Variants in ITGA8 observed in about 807,000 individuals in gnomAD.
The protein encoded by ITGA8 is integrin alpha-8.
A neutral mutation model predicts 142.3 loss-of-function variants in ITGA8; 91 were observed. The ratio of observed to expected loss-of-function variants is 0.64; its 90% CI spans 0.54 to 0.76. ITGA8 has a LOEUF of 0.76. Ranked by LOEUF, ITGA8 falls within the 30% of genes least tolerant of loss-of-function variation. ITGA8 has a pLI of 0.00. For synonymous variants in ITGA8, 505 were observed against 485.2 expected (o/e 1.04, Z -0.54); for missense variants, 1,406 against 1,327.7 (o/e 1.06, Z -0.92).
intron 6 of ITGA8, among the ~76,000 whole-genome samples, chr10:15,675,577 C>T (rs1045142046): frequency 6.6e-6 from 1 of 152,194 alleles, no homozygotes; most frequent in Non-Finnish European, 1.5e-5. Flanking sequence ...CTTGTAACAA[C>T]CTTGTAACTA....
At chr10:15,662,595 TC>T (rs909414868) in intron 8 of ITGA8, among the ~76,000 whole-genome samples, 1 of 152,088 alleles carries the variant, frequency 6.6e-6, no homozygotes, top group Non-Finnish European at 1.5e-5. Context: ...TGCTTCGGCC[TC>T]CTAGAGTGCT....
At chr10:15,650,079 T>C (rs1240729417) in intron 11 of ITGA8, among the ~76,000 whole-genome samples, 1 of 152,158 alleles carries the variant, frequency 6.6e-6, no homozygotes, top group Non-Finnish European at 1.5e-5. Flanking sequence ...TGGTACATCA[T>C]ATAATAATAT....
intron 9 of ITGA8, 89 bp from the exon 10 acceptor site, chr10:15,659,144 T>G: frequency 1.2e-6 from 1 of 845,260 alleles, no homozygotes; most frequent in Non-Finnish European, 1.8e-6. Context: ...TTTAAAATTT[T>G]TTGTAAAGTG....
At chr10:15,652,871 T>A (rs1421183083) in intron 11 of ITGA8, among the ~76,000 whole-genome samples, 1 of 152,196 alleles carries the variant, frequency 6.6e-6, no homozygotes, top group African/African-American at 2.4e-5. Context: ...GAAGGCTCTG[T>A]GACCATCTAG....
At chr10:15,605,584 A>C in intron 19 of ITGA8, 140 bp downstream of exon 19, 1 of 693,038 alleles carries the variant, frequency 1.4e-6, no homozygotes, top group Non-Finnish European at 2.5e-6. Context: ...AGGCTAACCC[A>C]AAGTGTAGCC....
At chr10:15,653,986 C>G (rs1208852310) in intron 11 of ITGA8, among the ~76,000 whole-genome samples, 3 of 152,014 alleles carry the variant, frequency 2.0e-5, no homozygotes, top group Admixed American at 1.3e-4. Flanking sequence ...AGGCACCCAC[C>G]ACCATGCCCG....
intron 10 of ITGA8, 98 bp from the exon 11 acceptor site, chr10:15,655,504 A>T: frequency 1.2e-6 from 1 of 851,654 alleles, no homozygotes; most frequent in Admixed American, 2.1e-5. Flanking sequence ...ATTGTGGTAC[A>T]TTTTTGCATT....
At chr10:15,662,326 CTTTTTTTTTTTTTTTT>C (rs200922550) in intron 8 of ITGA8, among the ~76,000 whole-genome samples, 34 of 72,726 alleles carry the variant, frequency 4.7e-4, no homozygotes, top group Middle Eastern at 0.01. Flanking sequence ...TCAGAAGGTC[CTTTTTTTTTTTTTTTT>C]TTTTTTTTTT....
At chr10:15,574,117 C>A (rs1262930246) in intron 24 of ITGA8, among the ~76,000 whole-genome samples, 1 of 152,058 alleles carries the variant, frequency 6.6e-6, no homozygotes, top group Non-Finnish European at 1.5e-5. Flanking sequence ...CCACTGTGCC[C>A]AGCCATATAT....
At chr10:15,690,339 T>C (rs1045149691) in intron 2 of ITGA8, among the ~76,000 whole-genome samples, 2 of 152,182 alleles carry the variant, frequency 1.3e-5, no homozygotes, top group Non-Finnish European at 2.9e-5. Flanking sequence ...TTCCAGGGCC[T>C]GAGCCTCTGA....
At chr10:15,586,452 A>G in intron 23 of ITGA8, 132 bp downstream of exon 23, 1 of 593,062 alleles carries the variant, frequency 1.7e-6, no homozygotes, top group Admixed American at 2.8e-5. Context: ...TCAGTAGAAA[A>G]GAGTGAAAAT....
chr10:15,684,703 C>T lies in ITGA8; in HGVS notation c.445-576G>A, dbSNP rs9333090. Reference sequence around the variant, plus strand: ...AGAAATTAAATTTTTTTTTTTTGCCCGAAGAAGCAAGCAGAAATTAATTCC... The same window carrying T: ...AGAAATTAAATTTTTTTTTTTTGCCTGAAGAAGCAAGCAGAAATTAATTCC... On this transcript the variant is annotated intron_variant, in intron 3 of 29. Coordinates refer to ENST00000378076, the MANE Select transcript of ITGA8 (RefSeq NM_003638.3). Among the ~76,000 whole-genome samples the T allele has an allele frequency of 6.1e-3, 928 of 151,152 alleles. 8 individuals carry two copies. Among genetic ancestry groups the T allele is most frequent in the African/African-American group, 0.022 (889 of 41,214 alleles).
At chr10:15,585,887 C>T (rs564252873) in intron 23 of ITGA8, among the ~76,000 whole-genome samples, 1 of 152,040 alleles carries the variant, frequency 6.6e-6, no homozygotes, top group South Asian at 2.1e-4. Context: ...TTATTAAACT[C>T]CAGATGTGGT....
At chr10:15,590,906 A>T (rs1323236079) in intron 22 of ITGA8, among the ~76,000 whole-genome samples, 1 of 152,194 alleles carries the variant, frequency 6.6e-6, no homozygotes, top group Non-Finnish European at 1.5e-5. Context: ...TGAACAGCTC[A>T]AGTAAGTTGA....
At chr10:15,557,739 T>G (rs937569376) in intron 26 of ITGA8, among the ~76,000 whole-genome samples, 2 of 152,180 alleles carry the variant, frequency 1.3e-5, no homozygotes, top group African/African-American at 2.4e-5. Context: ...CCATGCTCAC[T>G]TCAAACTACC....
intron 24 of ITGA8, among the ~76,000 whole-genome samples, chr10:15,574,712 TA>T (rs1479482955): frequency 7.4e-6 from 1 of 134,890 alleles, no homozygotes; most frequent in Admixed American, 8.5e-5. Context: ...TGTATATATA[TA>T]TTTTTTTTTT....
intron 14 of ITGA8, 22 bp from the exon 15 acceptor site, chr10:15,613,789 T>A: frequency 6.5e-7 from 1 of 1,549,250 alleles, no homozygotes; most frequent in Non-Finnish European, 8.9e-7. Context: ...AAATGCAGGG[T>A]TTGTTTAAAT....
At chr10:15,719,488 C>A in intron 1 of ITGA8, 75 bp downstream of exon 1, 1 of 1,376,042 alleles carries the variant, frequency 7.3e-7, no homozygotes, top group Non-Finnish European at 9.6e-7. Context: ...GGGGGGACTC[C>A]GCGGCAGAGC....
At chr10:15,624,756 A>T (rs7070081) in intron 13 of ITGA8, among the ~76,000 whole-genome samples, 3,709 of 152,294 alleles carry the variant, frequency 0.024, 147 homozygotes, top group African/African-American at 0.085. Flanking sequence ...ATAGTTGTTT[A>T]GATAAACCAA....
Sources: gnomAD v4.1 joint callset for allele counts (sites outside exome capture counted in the v4.1 genomes callset) on GRCh38, gnomAD v4.1.1 for gene constraint, MANE v1.5 for transcripts, NCBI Gene and HGNC (gene_info 2026-07-23, HGNC 2026-07-21) for gene names.